The following FTCDNL1 variants were observed in gnomAD, a reference collection of about 807,000 sequenced individuals.
The protein encoded by FTCDNL1 is formiminotransferase N-terminal subdomain-containing protein.
Under a neutral mutation model 5.9 loss-of-function variants are expected in FTCDNL1, and 11 were observed. The ratio of observed to expected loss-of-function variants is 1.87; its 90% CI spans 1.18 to 3.10. The LOEUF (loss-of-function observed/expected upper bound fraction) is 3.10, where lower values mean the gene tolerates loss of function less well. FTCDNL1 is among the 30% of genes most tolerant of loss of function. FTCDNL1 has a pLI of 0.00. For missense variants in FTCDNL1, 115 were observed against 65.5 expected (o/e 1.76, Z -2.61); for synonymous variants, 58 against 24.8 (o/e 2.34, Z -3.99).
At chr2:199,710,064 A>G in the FTCDNL1 span, among the ~76,000 whole-genome samples, 2 of 152,172 alleles carry the variant, frequency 1.3e-5, no homozygotes, top group African/African-American at 4.8e-5. Context: ...AGACATATAC[A>G]GAGTGGCAAA....
intron 3 of FTCDNL1, among the ~76,000 whole-genome samples, chr2:199,801,204 A>C (rs1448774596): frequency 1.3e-5 from 2 of 152,162 alleles, no homozygotes; most frequent in Admixed American, 1.3e-4. Flanking sequence ...CCTGCACTGG[A>C]AGAGCTGGTA....
chr2:199,760,167 C>T (rs1401050487), downstream of FTCDNL1, among the ~76,000 whole-genome samples: 4 of 148,590 alleles, frequency 2.7e-5, no homozygotes, highest in Non-Finnish European at 4.5e-5. Context: ...GGGGGTGGAG[C>T]GGGGGAGTCG....
the FTCDNL1 span, among the ~76,000 whole-genome samples, chr2:199,678,373 A>T: frequency 1.3e-5 from 2 of 152,202 alleles, no homozygotes; most frequent in Non-Finnish European, 2.9e-5. Context: ...GGCACATGCC[A>T]TAACCATGGC....
chr2:199,753,975 T>C, the FTCDNL1 span, among the ~76,000 whole-genome samples: 1 of 152,192 alleles, frequency 6.6e-6, no homozygotes, highest in Non-Finnish European at 1.5e-5. Flanking sequence ...ATGAATATTG[T>C]GTTTCCTTGG....
At chr2:199,724,073 G>A in the FTCDNL1 span, among the ~76,000 whole-genome samples, 3 of 152,120 alleles carry the variant, frequency 2.0e-5, no homozygotes, top group South Asian at 2.1e-4. Flanking sequence ...CTCATTATTG[G>A]TCTATTCAGG....
At chr2:199,842,289 A>G (rs2106633979) in intron 3 of FTCDNL1, among the ~76,000 whole-genome samples, 1 of 151,736 alleles carries the variant, frequency 6.6e-6, no homozygotes, top group African/African-American at 2.4e-5. Flanking sequence ...AAAAAATAAA[A>G]CTTCATAATC....
At chr2:199,771,789 A>G (rs192519770) in intron 3 of FTCDNL1, among the ~76,000 whole-genome samples, 23 of 152,350 alleles carry the variant, frequency 1.5e-4, no homozygotes, top group Admixed American at 9.8e-4. Flanking sequence ...TTAAGAGAAT[A>G]CTACCTACAA....
At chr2:199,804,012 T>C (rs1700599228) in intron 3 of FTCDNL1, among the ~76,000 whole-genome samples, 1 of 152,232 alleles carries the variant, frequency 6.6e-6, no homozygotes. Flanking sequence ...TATCTTGCTA[T>C]TTTATCTTCC....
chr2:199,775,656 T>A (rs922407675), intron 3 of FTCDNL1, among the ~76,000 whole-genome samples: 2 of 152,184 alleles, frequency 1.3e-5, no homozygotes. Context: ...CTGGGTAATA[T>A]CCACTCATTC....
chr2:199,735,658 G>C, the FTCDNL1 span, among the ~76,000 whole-genome samples: 1 of 152,056 alleles, frequency 6.6e-6, no homozygotes, highest in Non-Finnish European at 1.5e-5. Flanking sequence ...AAGTAGAAGA[G>C]TTCTTCCTCG....
chr2:199,711,769 C>T, the FTCDNL1 span, among the ~76,000 whole-genome samples: 3 of 152,218 alleles, frequency 2.0e-5, no homozygotes, highest in African/African-American at 7.2e-5. Context: ...GCTGTCACCA[C>T]ACCTGGCTGG....
intron 3 of FTCDNL1, among the ~76,000 whole-genome samples, chr2:199,835,370 A>AC (rs1702659298): frequency 6.6e-6 from 1 of 152,240 alleles, no homozygotes; most frequent in South Asian, 2.1e-4. Flanking sequence ...AGAATGAATT[A>AC]TTCAACCTAT....
chr2:199,731,201 G>C, the FTCDNL1 span, among the ~76,000 whole-genome samples: 2 of 152,124 alleles, frequency 1.3e-5, no homozygotes, highest in African/African-American at 2.4e-5. Flanking sequence ...CGAGGGGTTG[G>C]GGTAAAGGGA....
chr2:199,761,053 G>A (rs957997171), intron 3 of FTCDNL1, among the ~76,000 whole-genome samples: 5 of 152,132 alleles, frequency 3.3e-5, no homozygotes, highest in Admixed American at 6.5e-5. Flanking sequence ...CCCAGCCCAC[G>A]CCTCTGTAAG....
chr2:199,744,741 G>A, the FTCDNL1 span, among the ~76,000 whole-genome samples: 1 of 152,186 alleles, frequency 6.6e-6, no homozygotes, highest in African/African-American at 2.4e-5. Flanking sequence ...ACGACTACTT[G>A]TTTTCCTTAC....
chr2:199,693,331 A>C, the FTCDNL1 span, among the ~76,000 whole-genome samples: 2 of 152,348 alleles, frequency 1.3e-5, no homozygotes, highest in Non-Finnish European at 2.9e-5. Flanking sequence ...CAATACAAAA[A>C]CAAAACAAAA....
chr2:199,832,807 T>A (rs17529642), intron 3 of FTCDNL1, among the ~76,000 whole-genome samples: 1 of 152,056 alleles, frequency 6.6e-6, no homozygotes, highest in African/African-American at 2.4e-5. Flanking sequence ...CTTTACACAG[T>A]CATCGATTAT....
chr2:199,727,909 C>T, the FTCDNL1 span, among the ~76,000 whole-genome samples: 2 of 152,128 alleles, frequency 1.3e-5, no homozygotes, highest in African/African-American at 4.8e-5. Context: ...CCCACATACC[C>T]GTGTGACTTG....
At chr2:199,704,144 G>A in the FTCDNL1 span, among the ~76,000 whole-genome samples, 1 of 152,130 alleles carries the variant, frequency 6.6e-6, no homozygotes, top group African/African-American at 2.4e-5. Flanking sequence ...CAGGAACTAA[G>A]GAATTCCATA....
Sources: allele counts gnomAD v4.1 joint callset (sites outside exome capture counted in the v4.1 genomes callset), GRCh38; gene constraint gnomAD v4.1.1; transcripts MANE v1.5; gene names NCBI Gene and HGNC (gene_info 2026-07-23, HGNC 2026-07-21).